The following FGF14 variants were observed in gnomAD, a reference collection of about 807,000 sequenced individuals.
The protein encoded by FGF14 is fibroblast growth factor 14, also known as fibroblast growth factor homologous factor 4.
A neutral mutation model predicts 25.5 loss-of-function variants in FGF14; 5 were observed. The observed-to-expected ratio is 0.20, with a 90% CI of 0.10 to 0.41. FGF14 has a LOEUF of 0.41. FGF14 is among the 10% of genes least tolerant of loss of function. The pLI, the probability that FGF14 is intolerant of heterozygous loss-of-function variation, is 1.00. For synonymous variants in FGF14, 138 were observed against 118.3 expected, an observed-to-expected ratio of 1.17 and a Z score of -1.08; for missense variants, 222 against 320.1, an observed-to-expected ratio of 0.69 and a Z score of 2.34.
At chr13:102,292,136 A>G (rs556402932) in intron 1 of FGF14, among the ~76,000 whole-genome samples, 96 of 152,090 alleles carry the variant, frequency 6.3e-4, no homozygotes, top group African/African-American at 2.1e-3. Context: ...GCATTTCATT[A>G]TTTAACATAA....
intron 1 of FGF14, among the ~76,000 whole-genome samples, chr13:101,940,818 C>T (rs2139313222): frequency 6.6e-6 from 1 of 152,288 alleles, no homozygotes. Flanking sequence ...CTATTCCCTG[C>T]TCCCAGCACA....
At chr13:102,113,377 T>C (rs538371171) in intron 1 of FGF14, among the ~76,000 whole-genome samples, 2 of 152,316 alleles carry the variant, frequency 1.3e-5, no homozygotes, top group East Asian at 3.9e-4. Context: ...CCTTCAGGGA[T>C]AGGACATCGA....
intron 3 of FGF14, among the ~76,000 whole-genome samples, chr13:101,729,299 T>C (rs1398840646): frequency 2.6e-5 from 4 of 152,170 alleles, no homozygotes; most frequent in Non-Finnish European, 5.9e-5. Flanking sequence ...TAATACATTT[T>C]CTCAAAACTT....
intron 3 of FGF14, among the ~76,000 whole-genome samples, chr13:101,751,869 A>T (rs182402912): frequency 4.1e-4 from 62 of 151,020 alleles, no homozygotes; most frequent in African/African-American, 1.3e-3. Flanking sequence ...TGTTATATAT[A>T]AAAAAAATAA....
At chr13:102,266,444 G>A (rs746636388) in intron 1 of FGF14, among the ~76,000 whole-genome samples, 14 of 152,130 alleles carry the variant, frequency 9.2e-5, no homozygotes, top group Middle Eastern at 3.4e-3. Flanking sequence ...TTACAACAAG[G>A]CTAATCCTCT....
At chr13:102,161,934 A>G (rs972003435) in intron 1 of FGF14, among the ~76,000 whole-genome samples, 1 of 151,462 alleles carries the variant, frequency 6.6e-6, no homozygotes, top group Non-Finnish European at 1.5e-5. Context: ...TCTTTTTTTT[A>G]TCCTAAAGGT....
intron 1 of FGF14, among the ~76,000 whole-genome samples, chr13:101,908,159 A>G (rs919621292): frequency 1.3e-5 from 2 of 152,152 alleles, no homozygotes; most frequent in Admixed American, 1.3e-4. Context: ...GAAATGTACC[A>G]AGGGGCCCCC....
At chr13:101,852,253 T>TG (rs2043890041) in intron 3 of FGF14, among the ~76,000 whole-genome samples, 1 of 151,950 alleles carries the variant, frequency 6.6e-6, no homozygotes, top group South Asian at 2.1e-4. Flanking sequence ...CAAGAAAACG[T>TG]GGGTCTATGT....
chr13:102,122,802 T>G (rs1273957184), intron 1 of FGF14, among the ~76,000 whole-genome samples: 1 of 152,180 alleles, frequency 6.6e-6, no homozygotes, highest in East Asian at 1.9e-4. Flanking sequence ...TTTAAATACT[T>G]CATATTTATT....
intron 1 of FGF14, among the ~76,000 whole-genome samples, chr13:102,126,544 G>T (rs1388417394): frequency 6.6e-6 from 1 of 152,182 alleles, no homozygotes; most frequent in African/African-American, 2.4e-5. Flanking sequence ...ACAAGTATCT[G>T]TTTTCGTCCC....
intron 1 of FGF14, among the ~76,000 whole-genome samples, chr13:101,929,812 G>C (rs568811045): frequency 1.3e-5 from 2 of 152,328 alleles, no homozygotes; most frequent in Non-Finnish European, 2.9e-5. Flanking sequence ...TCAGTAGGTG[G>C]TGGGTTGTAG....
At chr13:102,072,760 T>C (rs1409517343) in intron 1 of FGF14, among the ~76,000 whole-genome samples, 1 of 152,110 alleles carries the variant, frequency 6.6e-6, no homozygotes, top group African/African-American at 2.4e-5. Context: ...CTCACTCAAA[T>C]GATAGAAAAA....
chr13:101,766,125 C>G (rs9300692), intron 3 of FGF14, among the ~76,000 whole-genome samples: 63,388 of 152,076 alleles, frequency 0.42, 14,625 homozygotes, highest in Non-Finnish European at 0.52. Context: ...CATTAATCCT[C>G]ATCTACAATT....
intron 1 of FGF14, among the ~76,000 whole-genome samples, chr13:101,887,659 A>G (rs2046065915): frequency 6.6e-6 from 1 of 152,176 alleles, no homozygotes; most frequent in Non-Finnish European, 1.5e-5. Context: ...AATAAGGTCC[A>G]GTATTTGATA....
At chr13:102,327,019 A>G (rs1466420564) in intron 1 of FGF14, among the ~76,000 whole-genome samples, 1 of 152,210 alleles carries the variant, frequency 6.6e-6, no homozygotes, top group Non-Finnish European at 1.5e-5. Context: ...TAAACACAGA[A>G]AAAATCCAAA....
rs541797844 is a variant in FGF14, at chr13:101,787,187, C to T, written c.409-60377G>A. Among the ~76,000 whole-genome samples, 183 of 151,966 alleles carry T rather than the reference C, an allele frequency of 1.2e-3. 1 individual carries two copies. Among genetic ancestry groups the T allele is most frequent in the African/African-American group, 3.8e-3 (157 of 41,450 alleles). ...CCATGTCACAATAATGTATCTTCAA[C>T]ACACTGTCCAAGAGTATATCATAAA... On this transcript the variant is annotated intron_variant, in intron 3 of 4. Coordinates refer to ENST00000376143, the MANE Select transcript of FGF14 (RefSeq NM_004115.4).
intron 1 of FGF14, among the ~76,000 whole-genome samples, chr13:102,016,167 G>T (rs2040332982): frequency 6.6e-6 from 1 of 152,042 alleles, no homozygotes; most frequent in African/African-American, 2.4e-5. Context: ...ACCTTAGGAG[G>T]TAGTTTAACT....
At chr13:101,941,151 C>T (rs1017747821) in intron 1 of FGF14, among the ~76,000 whole-genome samples, 2 of 152,150 alleles carry the variant, frequency 1.3e-5, no homozygotes, top group African/African-American at 4.8e-5. Flanking sequence ...CTCCAAATCT[C>T]AAAAAATGGG....
At chr13:102,161,829 T>TAA (rs769955534) in intron 1 of FGF14, among the ~76,000 whole-genome samples, 5 of 135,388 alleles carry the variant, frequency 3.7e-5, no homozygotes, top group East Asian at 4.3e-4. Flanking sequence ...AGAAGATAAT[T>TAA]AAAAAAAAAA....
Sources: allele counts gnomAD v4.1 joint callset (sites outside exome capture counted in the v4.1 genomes callset), GRCh38; gene constraint gnomAD v4.1.1; transcripts MANE v1.5; gene names NCBI Gene and HGNC (gene_info 2026-07-23, HGNC 2026-07-21).